CDH13: variants seen among roughly 807,000 people sequenced by gnomAD.
CDH13 encodes cadherin 13.
CDH13 carries 24 observed loss-of-function variants against 63.8 expected under a neutral mutation model. The observed-to-expected ratio is 0.38, with a 90% CI of 0.27 to 0.53. The LOEUF (loss-of-function observed/expected upper bound fraction) is 0.53, where lower values mean the gene tolerates loss of function less well. Among genes scored for constraint, CDH13 ranks in the 20% least tolerant of loss-of-function variants. The probability of loss-of-function intolerance (pLI) is 0.85; values close to 1 mark genes in which losing one functional copy is unlikely to be tolerated. For missense variants in CDH13, 1,049 were observed against 903.1 expected (o/e 1.16, Z -2.07); for synonymous variants, 503 against 355.3 (o/e 1.42, Z -4.67).
chr16:82,891,557 G>C (rs867822999), intron 2 of CDH13, among the ~76,000 whole-genome samples: 2 of 152,270 alleles, frequency 1.3e-5, no homozygotes, highest in Non-Finnish European at 2.9e-5. Context: ...CCCTCCAACT[G>C]CTCATGCACT....
At chr16:83,715,292 T>C (rs948825244) in intron 10 of CDH13, among the ~76,000 whole-genome samples, 5 of 152,200 alleles carry the variant, frequency 3.3e-5, no homozygotes, top group African/African-American at 1.2e-4. Flanking sequence ...CCCATTTACT[T>C]GATCAGGGTT....
intron 7 of CDH13, among the ~76,000 whole-genome samples, chr16:83,554,756 C>T (rs1352771909): frequency 6.6e-6 from 1 of 152,102 alleles, no homozygotes; most frequent in African/African-American, 2.4e-5. Flanking sequence ...ACTGATGTCA[C>T]CCTTATTATT....
intron 5 of CDH13, among the ~76,000 whole-genome samples, chr16:83,311,351 A>G (rs2089996204): frequency 6.6e-6 from 1 of 152,180 alleles, no homozygotes; most frequent in Admixed American, 6.5e-5. Flanking sequence ...TAAAAAGTAA[A>G]AGTCGTTATA....
intron 6 of CDH13, among the ~76,000 whole-genome samples, chr16:83,405,882 T>A (rs2092034973): frequency 6.6e-6 from 1 of 151,964 alleles, no homozygotes; most frequent in South Asian, 2.1e-4. Context: ...AGCTGCTTAG[T>A]TAAAAATAAA....
At position 82,717,063 on chromosome 16, in the gene CDH13, AG is replaced by A. The variant is rs141992710; in HGVS notation, c.45+89927del. On this transcript the variant is annotated intron_variant, in intron 1 of 13. Transcript: ENST00000567109. ...GCAGTTGTGTCCCCTTGCTGAAGTT[AG>A]TCACACTTGGCTGCTGGAGAAGTCT... Among the ~76,000 whole-genome samples the A allele has an allele frequency of 5.5e-3, 837 of 152,134 alleles. 4 individuals carry two copies. Among genetic ancestry groups the A allele is most frequent in the African/African-American group, 0.019 (787 of 41,526 alleles).
At chr16:83,544,862 C>G (rs1328755780) in intron 7 of CDH13, among the ~76,000 whole-genome samples, 1 of 152,174 alleles carries the variant, frequency 6.6e-6, no homozygotes, top group Non-Finnish European at 1.5e-5. Context: ...ATACATCTAA[C>G]AATGTCTGGC....
At chr16:83,616,057 T>C (rs1909256376) in intron 8 of CDH13, among the ~76,000 whole-genome samples, 1 of 152,056 alleles carries the variant, frequency 6.6e-6, no homozygotes, top group East Asian at 1.9e-4. Flanking sequence ...AAGGGAAACG[T>C]TTGTACAAAT....
At chr16:83,390,200 C>A (rs936799230) in intron 6 of CDH13, among the ~76,000 whole-genome samples, 1 of 152,172 alleles carries the variant, frequency 6.6e-6, no homozygotes, top group African/African-American at 2.4e-5. Flanking sequence ...TTCATCGAAG[C>A]CCCTTCATAC....
At chr16:83,091,018 T>G (rs892476964) in intron 3 of CDH13, among the ~76,000 whole-genome samples, 2 of 152,204 alleles carry the variant, frequency 1.3e-5, no homozygotes, top group South Asian at 2.1e-4. Flanking sequence ...TTTTTCTACT[T>G]ATTATATAAC....
At chr16:82,804,691 C>T (rs184188656) in intron 1 of CDH13, among the ~76,000 whole-genome samples, 2 of 152,244 alleles carry the variant, frequency 1.3e-5, no homozygotes, top group Admixed American at 1.3e-4. Context: ...AATCTCCTTA[C>T]CCTTCTTCCC....
At chr16:82,643,708 A>T (rs1022517574) in intron 1 of CDH13, among the ~76,000 whole-genome samples, 1 of 152,030 alleles carries the variant, frequency 6.6e-6, no homozygotes, top group South Asian at 2.1e-4. Context: ...TCTGGCTGCA[A>T]AGCTCTCAGA....
At chr16:82,815,644 T>C (rs1224694299) in intron 1 of CDH13, among the ~76,000 whole-genome samples, 4 of 152,144 alleles carry the variant, frequency 2.6e-5, no homozygotes, top group African/African-American at 9.7e-5. Flanking sequence ...GCTGCTTCGT[T>C]TGTAGTTTCT....
At chr16:83,542,989 C>T (rs772157763) in intron 7 of CDH13, among the ~76,000 whole-genome samples, 3 of 152,240 alleles carry the variant, frequency 2.0e-5, no homozygotes, top group Non-Finnish European at 4.4e-5. Context: ...GCAAGTGATA[C>T]TGATGCTGCT....
At chr16:83,193,245 T>C (rs1368937255) in intron 4 of CDH13, among the ~76,000 whole-genome samples, 2 of 151,840 alleles carry the variant, frequency 1.3e-5, no homozygotes, top group Admixed American at 1.3e-4. Flanking sequence ...ACCTGCATGA[T>C]ATCATGCAAA....
intron 1 of CDH13, among the ~76,000 whole-genome samples, chr16:82,672,031 G>A (rs1479311290): frequency 1.3e-5 from 2 of 151,910 alleles, no homozygotes; most frequent in Non-Finnish European, 2.9e-5. Flanking sequence ...TGCCCCTAGG[G>A]GCATTAGCTT....
intron 2 of CDH13, among the ~76,000 whole-genome samples, chr16:82,960,759 G>A (rs1469109): frequency 2.6e-5 from 4 of 152,034 alleles, no homozygotes; most frequent in South Asian, 2.1e-4. Flanking sequence ...GTATAAGGAC[G>A]TCATAGAGAA....
rs977886809 is a variant in CDH13 at position 83,487,442 on chromosome 16, C to T, written c.960+787C>T. Among the ~76,000 whole-genome samples the T allele has an allele frequency of 2.0e-5, 3 of 152,130 alleles. No homozygotes were observed. The South Asian group carries it at 6.2e-4, about 32-fold the overall frequency. ...TCCAGTGGATCCAGGGTCTGCTGTC[C>T]CCTTTAGATGGGACATGTGCTCCCA... is the stretch of plus-strand genomic sequence containing the variant. On this transcript the variant is annotated intron_variant, in intron 7 of 13. Transcript: ENST00000567109.
intron 1 of CDH13, among the ~76,000 whole-genome samples, chr16:82,743,987 G>A (rs1045130026): frequency 6.6e-6 from 1 of 152,116 alleles, no homozygotes; most frequent in Non-Finnish European, 1.5e-5. Context: ...TTAGACTTTG[G>A]AGAAAACAGT....
chr16:82,992,729 G>T (rs1017756310), intron 2 of CDH13, among the ~76,000 whole-genome samples: 3 of 152,152 alleles, frequency 2.0e-5, no homozygotes, highest in African/African-American at 7.2e-5. Context: ...GTGGTTCTTG[G>T]CATCAAGCAG....
Sources: allele counts gnomAD v4.1 joint callset (sites outside exome capture counted in the v4.1 genomes callset), GRCh38; gene constraint gnomAD v4.1.1; transcripts MANE v1.5; gene names NCBI Gene and HGNC (gene_info 2026-07-23, HGNC 2026-07-21).